NEDD4L: variants seen among roughly 807,000 people sequenced by gnomAD.
NEDD4L encodes the protein NEDD4 like E3 ubiquitin protein ligase, also known as E3 ubiquitin-protein ligase NEDD4-like.
A neutral mutation model predicts 148.9 loss-of-function variants in NEDD4L; 54 were observed. That is an observed-to-expected ratio of 0.36 (90% CI 0.29 to 0.45). The LOEUF (loss-of-function observed/expected upper bound fraction) is 0.45, where lower values mean the gene tolerates loss of function less well. Ranked by LOEUF, NEDD4L falls within the 20% of genes least tolerant of loss-of-function variation. The pLI is 1.00. For synonymous variants in NEDD4L, 433 were observed against 440.7 expected, an observed-to-expected ratio of 0.98 and a Z score of 0.22; for missense variants, 856 against 1,233.8, an observed-to-expected ratio of 0.69 and a Z score of 4.59.
chr18:58,251,702 C>CTTG (rs1266470794), intron 4 of NEDD4L, among the ~76,000 whole-genome samples: 20 of 152,186 alleles, frequency 1.3e-4, no homozygotes, highest in Admixed American at 6.5e-4. Context: ...ATGAGAATGC[C>CTTG]TTGTACAGAG....
At chr18:58,118,753 C>G (rs2086026074) in intron 1 of NEDD4L, among the ~76,000 whole-genome samples, 1 of 152,142 alleles carries the variant, frequency 6.6e-6, no homozygotes, top group African/African-American at 2.4e-5. Context: ...TTCTTCATCT[C>G]CCAGCTGAGG....
chr18:58,117,489 A>G lies in NEDD4L; in HGVS notation c.49-48299A>G, dbSNP rs2085923412. 3.3e-5 allele frequency among the ~76,000 whole-genome samples: 5 copies of G among 152,306 alleles called. No homozygotes were observed. In the South Asian group the frequency reaches 1.0e-3, roughly 32 times the overall value. On this transcript the variant is annotated intron_variant, in intron 1 of 30. Transcript: ENST00000400345. ...ACTGCATTATAGTGGAAAAGGTAAA[A>G]TTATAAGCTAATGAGACCAGAGGTC...
chr18:58,184,785 G>A (rs979736398), intron 2 of NEDD4L, among the ~76,000 whole-genome samples: 11 of 151,980 alleles, frequency 7.2e-5, no homozygotes, highest in Admixed American at 2.6e-4. Context: ...AAAATTAGCT[G>A]GGCATGGCGG....
chr18:58,374,406 T>C (rs1207727358), intron 24 of NEDD4L, among the ~76,000 whole-genome samples: 2 of 152,118 alleles, frequency 1.3e-5, no homozygotes, highest in Admixed American at 1.3e-4. Context: ...TGTGGCTTAA[T>C]GTAAATGATC....
At chr18:58,237,874 A>G (rs2046210654) in intron 2 of NEDD4L, among the ~76,000 whole-genome samples, 1 of 152,162 alleles carries the variant, frequency 6.6e-6, no homozygotes, top group South Asian at 2.1e-4. Context: ...TATGGATGGC[A>G]AGGGGGGCTG....
At chr18:58,283,179 G>A (rs753968317) in intron 5 of NEDD4L, among the ~76,000 whole-genome samples, 1 of 152,144 alleles carries the variant, frequency 6.6e-6, no homozygotes, top group Non-Finnish European at 1.5e-5. Context: ...GGGTTCAAGC[G>A]ATTCTCCTGC....
intron 2 of NEDD4L, among the ~76,000 whole-genome samples, chr18:58,237,195 G>T (rs759574533): frequency 8.1e-4 from 123 of 152,166 alleles, no homozygotes; most frequent in Non-Finnish European, 1.6e-3. Flanking sequence ...TGTGGGCAGG[G>T]TCTGTGTCTG....
At chr18:58,141,123 G>A (rs1008744476) in intron 1 of NEDD4L, among the ~76,000 whole-genome samples, 2 of 152,144 alleles carry the variant, frequency 1.3e-5, no homozygotes, top group Non-Finnish European at 2.9e-5. Flanking sequence ...GGCTGGCCAC[G>A]CCATGGGCAC....
intron 2 of NEDD4L, chr18:58,195,481 C>T (rs767867812): frequency 1.1e-5 from 15 of 1,343,216 alleles, no homozygotes; most frequent in South Asian, 1.0e-4. Flanking sequence ...GCTTAAGCCG[C>T]GCGAGGGTGC....
intron 1 of NEDD4L, chr18:58,047,384 G>A: frequency 4.1e-6 from 4 of 985,218 alleles, no homozygotes; most frequent in Non-Finnish European, 4.8e-6. Context: ...ATCTCATAAA[G>A]ACTGTTGAGC....
intron 1 of NEDD4L, among the ~76,000 whole-genome samples, chr18:58,126,781 C>T (rs2031185542): frequency 6.6e-6 from 1 of 152,216 alleles, no homozygotes; most frequent in South Asian, 2.1e-4. Context: ...TTACCCTTTT[C>T]TGTTGCCTCT....
chr18:58,376,430 C>T (rs1313929479), intron 24 of NEDD4L, among the ~76,000 whole-genome samples: 1 of 152,172 alleles, frequency 6.6e-6, no homozygotes, highest in African/African-American at 2.4e-5. Flanking sequence ...TTTGAGAGAG[C>T]TATCCTGATT....
At chr18:58,195,061 T>C (rs1288681497) in intron 2 of NEDD4L, among the ~76,000 whole-genome samples, 1 of 152,230 alleles carries the variant, frequency 6.6e-6, no homozygotes, top group African/African-American at 2.4e-5. Flanking sequence ...AGTGGGACAG[T>C]AATTTAAACA....
At chr18:58,191,322 C>T (rs1233371870) in intron 2 of NEDD4L, among the ~76,000 whole-genome samples, 1 of 152,124 alleles carries the variant, frequency 6.6e-6, no homozygotes, top group Non-Finnish European at 1.5e-5. Flanking sequence ...TGCTATTTGA[C>T]ATGCTTTATT....
chr18:58,113,432 A>G (rs1235353521), intron 1 of NEDD4L, among the ~76,000 whole-genome samples: 1 of 152,202 alleles, frequency 6.6e-6, no homozygotes, highest in East Asian at 1.9e-4. Flanking sequence ...TCTCAAATTG[A>G]GTTTGACTTT....
At chr18:58,280,976 TTTTC>T (rs1455436283) in intron 5 of NEDD4L, among the ~76,000 whole-genome samples, 1 of 152,182 alleles carries the variant, frequency 6.6e-6, no homozygotes, top group Non-Finnish European at 1.5e-5. Flanking sequence ...TCTTCTTTTC[TTTTC>T]TTTTTTTGTT....
At chr18:58,310,024 G>GCTCTCGCTCTCA (rs1320748536) in intron 5 of NEDD4L, among the ~76,000 whole-genome samples, 2 of 152,102 alleles carry the variant, frequency 1.3e-5, no homozygotes, top group Non-Finnish European at 2.9e-5. Flanking sequence ...GCTTGCTCTC[G>GCTCTCGCTCTCA]CTCTCGCTCT....
intron 1 of NEDD4L, among the ~76,000 whole-genome samples, chr18:58,118,959 G>A (rs1184748791): frequency 7.0e-6 from 1 of 141,920 alleles, no homozygotes; most frequent in Non-Finnish European, 1.5e-5. Flanking sequence ...CTACCTTTCT[G>A]GGTCTTGGAT....
rs936827772 is a variant in NEDD4L, at chr18:58,205,265, A to G, written c.122+39404A>G. Among the ~76,000 whole-genome samples, 15 of 152,310 alleles carry G rather than the reference A, an allele frequency of 9.8e-5. 1 individual carries two copies. The East Asian group carries it at 1.5e-3, about 16-fold the overall frequency. On this transcript the variant is annotated intron_variant, in intron 2 of 30. Coordinates refer to ENST00000400345, the MANE Select transcript of NEDD4L (RefSeq NM_001144967.3). ...AGGCACAGTTGTGGGTTGGTAGGAG[A>G]ATGAGCAGTAAAGCCATGAGCTAAC...
Sources: allele counts gnomAD v4.1 joint callset (sites outside exome capture counted in the v4.1 genomes callset), GRCh38; gene constraint gnomAD v4.1.1; transcripts MANE v1.5; gene names NCBI Gene and HGNC (gene_info 2026-07-23, HGNC 2026-07-21).